FAM227B: variants seen among roughly 807,000 people sequenced by gnomAD.
FAM227B encodes the protein family with sequence similarity 227 member B, also known as protein FAM227B.
FAM227B carries 88 observed loss-of-function variants against 73.8 expected under a neutral mutation model. The observed-to-expected ratio is 1.19, with a 90% CI of 1.00 to 1.42. The LOEUF (loss-of-function observed/expected upper bound fraction) is 1.42, where lower values mean the gene tolerates loss of function less well. Ranked by LOEUF, FAM227B falls within the 40% of genes most tolerant of loss-of-function variation. FAM227B has a pLI of 0.00. For synonymous variants in FAM227B, 210 were observed against 190.5 expected (o/e 1.10, Z -0.84); for missense variants, 632 against 590.9 (o/e 1.07, Z -0.72).
Position 49,367,593 on chromosome 15 carries a change from T to G in FAM227B, c.1126A>C (p.Thr376Pro). The G allele has an allele frequency of 6.3e-7, 1 of 1,588,780 alleles. No homozygotes were observed. The highest frequency in any genetic ancestry group is 8.5e-7 in the Non-Finnish European group (1 of 1,173,944). The change falls in exon 13 of 16, where the codon ACT (threonine) becomes CCT (proline). Residue 376 changes from threonine (T) to proline (P), a missense_variant. By Grantham distance (38) the Thr-to-Pro change is conservative. Transcript: ENST00000299338. ...AGAACACGATTAAACTCTGGACCAG[T>G]ACTACTATAGTGCGACTGTAAGAGG... ...RLATKSHYSS[T>P]GPEFNRVLFN...
At chr15:49,549,497 C>T (rs1374959086) in intron 9 of FAM227B, among the ~76,000 whole-genome samples, 1 of 151,988 alleles carries the variant, frequency 6.6e-6, no homozygotes, top group Non-Finnish European at 1.5e-5. Flanking sequence ...TGTTTGTGTC[C>T]CTGGGTACTT....
intron 9 of FAM227B, among the ~76,000 whole-genome samples, chr15:49,555,525 C>G (rs1315313394): frequency 6.6e-6 from 1 of 152,176 alleles, no homozygotes; most frequent in Non-Finnish European, 1.5e-5. Context: ...GACTATGTGA[C>G]TTGGATATGG....
intron 10 of FAM227B, among the ~76,000 whole-genome samples, chr15:49,540,417 G>A (rs2070896984): frequency 6.6e-6 from 1 of 152,130 alleles, no homozygotes; most frequent in Non-Finnish European, 1.5e-5. Flanking sequence ...GGTTTTTGCT[G>A]TACTGTTTTG....
At chr15:49,471,254 G>A (rs562094735) in intron 11 of FAM227B, among the ~76,000 whole-genome samples, 1 of 42,786 alleles carries the variant, frequency 2.3e-5, no homozygotes, top group Admixed American at 3.9e-4. Context: ...GGGAGGCCGA[G>A]GTGGGTGGAT....
chr15:49,533,932 G>A (rs1390505469), intron 10 of FAM227B, among the ~76,000 whole-genome samples: 2 of 151,748 alleles, frequency 1.3e-5, no homozygotes, highest in Admixed American at 6.6e-5. Context: ...TTGTTTTGTA[G>A]ATCCTTTGCT....
At chr15:49,601,451 T>C (rs1375534373) in intron 3 of FAM227B, among the ~76,000 whole-genome samples, 1 of 152,142 alleles carries the variant, frequency 6.6e-6, no homozygotes, top group Non-Finnish European at 1.5e-5. Context: ...ACTATTTACA[T>C]TTTAAATATA....
chr15:49,609,338 T>A, intron 3 of FAM227B, among the ~76,000 whole-genome samples: 1 of 149,036 alleles, frequency 6.7e-6, no homozygotes, highest in East Asian at 2.0e-4. Context: ...AAGAGAGGAG[T>A]AGATGATATA....
chr15:49,397,056 G>C (rs952640489), intron 11 of FAM227B, among the ~76,000 whole-genome samples: 2 of 152,058 alleles, frequency 1.3e-5, no homozygotes, highest in Non-Finnish European at 1.5e-5. Flanking sequence ...TCTGAGCTAC[G>C]GGAGGACATT....
In FAM227B at chr15:49,446,402, C is replaced by T. The variant is rs564966367; in HGVS notation, c.1012+61809G>A. Among the ~76,000 whole-genome samples the T allele has an allele frequency of 6.6e-5, 10 of 151,506 alleles. No homozygotes were observed. In the South Asian group the frequency reaches 1.9e-3, roughly 28 times the overall value. On this transcript the variant is annotated intron_variant, in intron 11 of 15. Transcript: ENST00000299338. ...TGTGACTTTTACCCTTAATGTACTG[C>T]CATAGGAAATAATTTGGTAAGTTAC... is the stretch of plus-strand genomic sequence containing the variant.
chr15:49,599,227 A>G (rs1280489258), intron 3 of FAM227B, among the ~76,000 whole-genome samples: 1 of 152,022 alleles, frequency 6.6e-6, no homozygotes, highest in African/African-American at 2.4e-5. Flanking sequence ...ATTTACTTGT[A>G]TATAATTTCT....
chr15:49,546,099 C>T (rs4357880), intron 9 of FAM227B, among the ~76,000 whole-genome samples: 49,751 of 151,794 alleles, frequency 0.33, 8,940 homozygotes, highest in African/African-American at 0.46. Flanking sequence ...CCAATGCTAT[C>T]CGTCCCCCCT....
chr15:49,380,958 T>C (rs1052188354), intron 11 of FAM227B, among the ~76,000 whole-genome samples: 18 of 152,168 alleles, frequency 1.2e-4, no homozygotes, highest in African/African-American at 3.9e-4. Flanking sequence ...ACAAGAAACA[T>C]AGTGCCAGCA....
intron 11 of FAM227B, among the ~76,000 whole-genome samples, chr15:49,385,105 G>T (rs528131298): frequency 6.6e-6 from 1 of 152,020 alleles, no homozygotes; most frequent in East Asian, 1.9e-4. Flanking sequence ...AAGGGTTTTG[G>T]AGGTTTGGAG....
rs541075475 is a variant in FAM227B, at chr15:49,396,323, C to T, written c.1013-24924G>A. 1.0e-4 allele frequency: 38 copies of T among 381,720 alleles called. No individual in the cohort carries two copies. In the East Asian group the frequency reaches 3.4e-3, roughly 34 times the overall value. The allele number at this position is 381,720 out of a possible 1,614,324, so 23.6% of individuals were successfully genotyped here. A position where few individuals can be genotyped will look rare whatever the true frequency, so the allele number is the denominator to read the frequency against. ...AAGCGGCGCACCACGAGATTATATC[C>T]CACACCTGGCTCGGAGGGTCCTACG... On this transcript the variant is annotated intron_variant, in intron 11 of 15. Transcript: ENST00000299338.
At chr15:49,443,922 A>G (rs1354116119) in intron 11 of FAM227B, among the ~76,000 whole-genome samples, 1 of 134,540 alleles carries the variant, frequency 7.4e-6, no homozygotes, top group Admixed American at 8.4e-5. Context: ...TTTCCCTGAG[A>G]GTCAGTTGTT....
At chr15:49,618,981 G>C (rs1318655128) in intron 1 of FAM227B, among the ~76,000 whole-genome samples, 4 of 152,118 alleles carry the variant, frequency 2.6e-5, no homozygotes, top group Non-Finnish European at 5.9e-5. Flanking sequence ...CTAAATTCTG[G>C]CCAACAGAAT....
At chr15:49,387,668 C>G (rs1372502855) in intron 11 of FAM227B, among the ~76,000 whole-genome samples, 2 of 151,554 alleles carry the variant, frequency 1.3e-5, no homozygotes, top group Non-Finnish European at 3.0e-5. Flanking sequence ...GACATTGAAA[C>G]TGGAAAAGAG....
intron 15 of FAM227B, chr15:49,329,434 T>C (rs1045074640): frequency 2.0e-6 from 2 of 984,776 alleles, no homozygotes; most frequent in Non-Finnish European, 1.2e-6. Context: ...GAATTACTTA[T>C]TATTCTGTGA....
chr15:49,508,230 ACTGT>A lies in FAM227B; in HGVS notation c.989_992del (p.Asp330ValfsTer14), dbSNP rs1439943943. On this transcript the variant is annotated frameshift_variant, in exon 11 of 16. Coordinates refer to ENST00000299338, the MANE Select transcript of FAM227B (RefSeq NM_152647.3). LOFTEE classifies it high-confidence loss of function. ...ACTTACTAGTTGATATATGTTCTTG[ACTGT>A]CTGCAATTCTTTCCTTTACTGATTT... 3 of 1,610,268 alleles carry A rather than the reference ACTGT, an allele frequency of 1.9e-6. No homozygotes were observed. The highest frequency in any genetic ancestry group is 2.7e-5 in the African/African-American group (2 of 74,646).
Sources: allele counts gnomAD v4.1 joint callset (sites outside exome capture counted in the v4.1 genomes callset), GRCh38; gene constraint gnomAD v4.1.1; transcripts MANE v1.5; gene names NCBI Gene and HGNC (gene_info 2026-07-23, HGNC 2026-07-21).